The following SP4 variants were observed in gnomAD, a reference collection of about 807,000 sequenced individuals.
SP4 encodes the protein transcription factor Sp4.
Under a neutral mutation model 72.8 loss-of-function variants are expected in SP4, and 19 were observed. The ratio of observed to expected loss-of-function variants is 0.26; its 90% CI spans 0.18 to 0.38. The LOEUF (loss-of-function observed/expected upper bound fraction) is 0.38. SP4 is among the 10% of genes least tolerant of loss of function. The pLI is 1.00. For synonymous variants in SP4, 395 were observed against 333.1 expected, an observed-to-expected ratio of 1.19 and a Z score of -2.02; for missense variants, 1,008 against 926.3, an observed-to-expected ratio of 1.09 and a Z score of -1.14.
intron 3 of SP4, among the ~76,000 whole-genome samples, chr7:21,439,122 G>A (rs1013548102): frequency 6.6e-6 from 1 of 152,140 alleles, no homozygotes; most frequent in Non-Finnish European, 1.5e-5. Context: ...TGATAAGGGG[G>A]GACTGCTCTA....
intron 3 of SP4, among the ~76,000 whole-genome samples, chr7:21,465,798 G>A (rs182342138): frequency 7.9e-4 from 120 of 152,156 alleles, no homozygotes; most frequent in African/African-American, 2.8e-3. Flanking sequence ...AGGGGTTTGA[G>A]ATTACAGTGA....
At chr7:21,460,323 T>A (rs186053889) in intron 3 of SP4, among the ~76,000 whole-genome samples, 1 of 152,140 alleles carries the variant, frequency 6.6e-6, no homozygotes. Context: ...TGGCTCAGGA[T>A]TGAAGCTGCA....
Position 21,428,176 on chromosome 7 carries a change from T to TCCAGC in SP4, c.-74_-73insAGCCC. ...ACCGCGGGCGGGCGGGACCGGCCTC[T>TCCAGC]CCTCCCGCCTCGCCCCCACCCCCAC... On this transcript the variant is annotated 5_prime_UTR_variant, in exon 1 of 6. Coordinates refer to ENST00000222584, the MANE Select transcript of SP4 (RefSeq NM_003112.5). 6 of 718,762 alleles carry TCCAGC rather than the reference T, an allele frequency of 8.3e-6. No individual in the cohort carries two copies. The highest frequency in any genetic ancestry group is 2.6e-4 in the Middle Eastern group (1 of 3,828). The allele number at this position is 718,762 out of a possible 1,614,324, so 44.5% of individuals were successfully genotyped here.
chr7:21,444,807 TAAA>T (rs1001268531), intron 3 of SP4, among the ~76,000 whole-genome samples: 9 of 152,172 alleles, frequency 5.9e-5, no homozygotes, highest in African/African-American at 2.2e-4. Flanking sequence ...TGCTAGTAAG[TAAA>T]AATTCTTTAT....
intron 5 of SP4, among the ~76,000 whole-genome samples, chr7:21,491,867 A>G (rs563613213): frequency 2.8e-5 from 4 of 142,544 alleles, no homozygotes; most frequent in African/African-American, 8.1e-5. Context: ...CTGCCTCAAT[A>G]GAAATGCCAA....
intron 3 of SP4, among the ~76,000 whole-genome samples, chr7:21,453,477 T>C (rs747287293): frequency 6.6e-6 from 1 of 152,236 alleles, no homozygotes; most frequent in Non-Finnish European, 1.5e-5. Flanking sequence ...TTAACAATTA[T>C]AATTATTACT....
chr7:21,488,024 T>G (rs1023949659), intron 5 of SP4, among the ~76,000 whole-genome samples: 1 of 151,958 alleles, frequency 6.6e-6, no homozygotes, highest in African/African-American at 2.4e-5. Flanking sequence ...CCACCACACC[T>G]GGCTAATTTT....
intron 5 of SP4, among the ~76,000 whole-genome samples, chr7:21,495,780 C>CA (rs895340652): frequency 3.3e-5 from 5 of 151,804 alleles, no homozygotes; most frequent in African/African-American, 4.8e-5. Flanking sequence ...TGTGTTCACA[C>CA]AAAAAAAGCT....
chr7:21,503,954 T>A (rs565963391), intron 5 of SP4, among the ~76,000 whole-genome samples: 1 of 152,316 alleles, frequency 6.6e-6, no homozygotes, highest in South Asian at 2.1e-4. Context: ...AGTTTTCTCA[T>A]TAGGGGTTTA....
rs1239978276 is a variant in SP4 at position 21,511,377 on chromosome 7, T to C, written c.*108T>C. On this transcript the variant is annotated 3_prime_UTR_variant, in exon 6 of 6. Coordinates refer to ENST00000222584, the MANE Select transcript of SP4 (RefSeq NM_003112.5). ...TACAGAGTAGGAAATTATGTTTTCA[T>C]TCTTGGCTTCTTTAAGTATTCCAGG... is the stretch of plus-strand genomic sequence containing the variant. 1.1e-5 allele frequency: 13 copies of C among 1,165,860 alleles called. No homozygotes were observed. The South Asian group carries it at 1.8e-4, about 17-fold the overall frequency. 72.2% of individuals were successfully genotyped at this position (1,165,860 alleles called of 1,614,324 possible).
intron 5 of SP4, among the ~76,000 whole-genome samples, chr7:21,490,463 G>C (rs3807642): frequency 0.38 from 58,487 of 151,984 alleles, 11,500 homozygotes; most frequent in African/African-American, 0.44. Context: ...TGTTTTCCAA[G>C]AAATCTGAGG....
intron 3 of SP4, among the ~76,000 whole-genome samples, chr7:21,461,054 G>A (rs566745013): frequency 4.8e-4 from 73 of 152,312 alleles, no homozygotes; most frequent in African/African-American, 1.7e-3. Context: ...ACAGAGTGCT[G>A]ATTGGTGTAT....
intron 3 of SP4, among the ~76,000 whole-genome samples, chr7:21,458,529 A>G (rs1783853074): frequency 6.6e-6 from 1 of 152,206 alleles, no homozygotes; most frequent in Non-Finnish European, 1.5e-5. Flanking sequence ...CTGTGAATTC[A>G]TCACATAAGT....
intron 5 of SP4, among the ~76,000 whole-genome samples, chr7:21,489,720 C>G (rs953160451): frequency 1.3e-5 from 2 of 151,828 alleles, no homozygotes; most frequent in Non-Finnish European, 2.9e-5. Context: ...CCACCACACC[C>G]GGCTAATTTT....
intron 3 of SP4, among the ~76,000 whole-genome samples, chr7:21,432,021 T>G (rs1782874928): frequency 6.6e-6 from 1 of 152,226 alleles, no homozygotes; most frequent in South Asian, 2.1e-4. Flanking sequence ...TACCAGTGCT[T>G]CTAGGCCAGC....
Position 21,443,886 on chromosome 7 carries a change from A to C in SP4, c.1678+13043A>C, listed in dbSNP as rs76063561. 3.7e-4 allele frequency among the ~76,000 whole-genome samples: 57 copies of C among 152,374 alleles called. 1 individual carries two copies. In the East Asian group the frequency reaches 0.01, roughly 27 times the overall value. On this transcript the variant is annotated intron_variant, in intron 3 of 5. Coordinates refer to ENST00000222584, the MANE Select transcript of SP4 (RefSeq NM_003112.5). ...TCTACATATGAACCAGGTTGAGACA[A>C]ATCTTTGACAGATGTCATAAATACT...
chr7:21,458,063 C>T (rs1030514468), intron 3 of SP4, among the ~76,000 whole-genome samples: 2 of 152,092 alleles, frequency 1.3e-5, no homozygotes, highest in Non-Finnish European at 2.9e-5. Context: ...ATGTTGGGGT[C>T]ATGTATTAAA....
At chr7:21,471,745 G>T (rs1413134999) in intron 3 of SP4, among the ~76,000 whole-genome samples, 1 of 152,160 alleles carries the variant, frequency 6.6e-6, no homozygotes, top group East Asian at 1.9e-4. Context: ...GAGGCAGGAG[G>T]ATTGCTTGAG....
intron 3 of SP4, among the ~76,000 whole-genome samples, chr7:21,460,504 T>C (rs1019181850): frequency 6.6e-6 from 1 of 152,182 alleles, no homozygotes; most frequent in African/African-American, 2.4e-5. Flanking sequence ...CAGCAAGATT[T>C]ATTGCGAAGA....
Sources: gnomAD v4.1 joint callset for allele counts (sites outside exome capture counted in the v4.1 genomes callset) on GRCh38, gnomAD v4.1.1 for gene constraint, MANE v1.5 for transcripts, NCBI Gene and HGNC (gene_info 2026-07-23, HGNC 2026-07-21) for gene names.